The following DAB1 variants were observed in gnomAD, a reference collection of about 807,000 sequenced individuals.
The protein encoded by DAB1 is disabled homolog 1.
DAB1 carries 15 observed loss-of-function variants against 64.6 expected under a neutral mutation model. The ratio of observed to expected loss-of-function variants is 0.23; its 90% CI spans 0.16 to 0.36. The LOEUF (loss-of-function observed/expected upper bound fraction) is 0.36. DAB1 is among the 10% of genes least tolerant of loss of function. DAB1 has a pLI of 1.00. For synonymous variants in DAB1, 235 were observed against 251.9 expected (o/e 0.93, Z 0.64); for missense variants, 596 against 706.7 (o/e 0.84, Z 1.78).
At chr1:57,995,802 A>G (rs1646415697) in intron 5 of DAB1, among the ~76,000 whole-genome samples, 1 of 151,914 alleles carries the variant, frequency 6.6e-6, no homozygotes, top group Admixed American at 6.6e-5. Flanking sequence ...TTAAATTGCT[A>G]TTGAGAGTCT....
chr1:58,543,608 G>A (rs1010193887), intron 1 of DAB1, among the ~76,000 whole-genome samples: 2 of 151,992 alleles, frequency 1.3e-5, no homozygotes, highest in South Asian at 2.1e-4. Context: ...TGCAAACCCT[G>A]GCAACAGAAT....
intron 6 of DAB1, among the ~76,000 whole-genome samples, chr1:57,815,816 T>C (rs531316315): frequency 8.6e-4 from 131 of 152,308 alleles, no homozygotes; most frequent in Non-Finnish European, 1.5e-3. Context: ...TATGTACATA[T>C]CTCTAATTTT....
At chr1:57,975,879 T>C (rs953960726) in intron 5 of DAB1, among the ~76,000 whole-genome samples, 2 of 152,212 alleles carry the variant, frequency 1.3e-5, no homozygotes, top group Non-Finnish European at 2.9e-5. Flanking sequence ...AAATGTGCTT[T>C]TGACAAACTT....
intron 9 of DAB1, among the ~76,000 whole-genome samples, chr1:57,035,871 G>T (rs1367202282): frequency 9.6e-5 from 12 of 124,820 alleles, no homozygotes; most frequent in Middle Eastern, 6.0e-3. Context: ...TTGAGACAGG[G>T]TCTCACTCTG....
intron 4 of DAB1, among the ~76,000 whole-genome samples, chr1:58,290,853 G>T (rs921539341): frequency 6.6e-6 from 1 of 152,126 alleles, no homozygotes; most frequent in Non-Finnish European, 1.5e-5. Context: ...AGAACCACGT[G>T]CTTGTTTTCA....
At chr1:58,027,916 T>A (rs533467035) in intron 5 of DAB1, among the ~76,000 whole-genome samples, 1 of 152,336 alleles carries the variant, frequency 6.6e-6, no homozygotes, top group East Asian at 1.9e-4. Flanking sequence ...GAATTCCTCC[T>A]AGATATAGCC....
At chr1:57,504,535 A>T (rs1644323010) in intron 7 of DAB1, among the ~76,000 whole-genome samples, 1 of 152,188 alleles carries the variant, frequency 6.6e-6, no homozygotes, top group Non-Finnish European at 1.5e-5. Context: ...GTCCATACTG[A>T]TATACAAAAA....
intron 9 of DAB1, among the ~76,000 whole-genome samples, chr1:57,030,656 AC>A (rs1376402835): frequency 6.6e-6 from 1 of 152,198 alleles, no homozygotes; most frequent in Non-Finnish European, 1.5e-5. Flanking sequence ...TCTCTTTCAT[AC>A]AGTAACAGCC....
Position 57,127,558 on chromosome 1 carries a change from G to A in DAB1, c.306+8985C>T, listed in dbSNP as rs186029559. 1.9e-3 allele frequency among the ~76,000 whole-genome samples: 282 copies of A among 152,160 alleles called. 1 individual carries two copies. Among genetic ancestry groups the A allele is most frequent in the Non-Finnish European group, 3.2e-3 (218 of 68,010 alleles). On this transcript the variant is annotated intron_variant, in intron 4 of 14. Coordinates refer to ENST00000371236, the MANE Select transcript of DAB1 (RefSeq NM_001365792.1). The stretch of plus-strand genomic sequence containing the variant: ...CTTTTTTGTCTCTCCACCTTAGAAT[G>A]TAAACTCCACAAAGTGGGGACCTTC...
At chr1:58,305,709 T>C (rs1662290055) in intron 4 of DAB1, among the ~76,000 whole-genome samples, 1 of 152,178 alleles carries the variant, frequency 6.6e-6, no homozygotes, top group Admixed American at 6.5e-5. Context: ...TTCTATCAAG[T>C]AGGTCAGCCC....
intron 5 of DAB1, among the ~76,000 whole-genome samples, chr1:58,095,252 T>C (rs1650911217): frequency 6.6e-6 from 1 of 152,226 alleles, no homozygotes; most frequent in Non-Finnish European, 1.5e-5. Flanking sequence ...TTAGTCTCTA[T>C]AGTGGAATCG....
At chr1:58,165,067 G>A (rs968808442) in intron 4 of DAB1, among the ~76,000 whole-genome samples, 5 of 152,176 alleles carry the variant, frequency 3.3e-5, no homozygotes, top group Non-Finnish European at 5.9e-5. Context: ...AAATGAGACT[G>A]ATTAACAAAT....
intron 2 of DAB1, among the ~76,000 whole-genome samples, chr1:57,267,652 C>T (rs1670688290): frequency 6.6e-6 from 1 of 152,154 alleles, no homozygotes; most frequent in African/African-American, 2.4e-5. Context: ...TTTTGGGGCA[C>T]CTGTGCTTTT....
At chr1:57,085,884 C>T (rs1446426682) in intron 4 of DAB1, among the ~76,000 whole-genome samples, 1 of 152,084 alleles carries the variant, frequency 6.6e-6, no homozygotes, top group African/African-American at 2.4e-5. Context: ...GCATGGAGGT[C>T]TGAAGTGACT....
chr1:57,621,028 TGAGA>T (rs143893433), intron 7 of DAB1, among the ~76,000 whole-genome samples: 16 of 150,988 alleles, frequency 1.1e-4, no homozygotes, highest in East Asian at 1.9e-4. Context: ...TGTGTGTGTG[TGAGA>T]GAGAGAGAGA....
At chr1:57,179,067 A>T (rs950061529) in intron 2 of DAB1, among the ~76,000 whole-genome samples, 1 of 152,324 alleles carries the variant, frequency 6.6e-6, no homozygotes, top group African/African-American at 2.4e-5. Context: ...GAAATTCAAC[A>T]TGAGAGTCAT....
At chr1:57,633,622 C>T (rs1033011961) in intron 7 of DAB1, among the ~76,000 whole-genome samples, 4 of 152,204 alleles carry the variant, frequency 2.6e-5, no homozygotes, top group Non-Finnish European at 5.9e-5. Context: ...TAATAATCTC[C>T]TTGGCTCAGC....
intron 6 of DAB1, among the ~76,000 whole-genome samples, chr1:57,705,218 G>C (rs970331233): frequency 2.0e-5 from 3 of 151,686 alleles, no homozygotes; most frequent in African/African-American, 7.3e-5. Flanking sequence ...TTCTGGTGAT[G>C]TCTCAGATTA....
chr1:57,510,097 T>C (rs1435911631), intron 7 of DAB1, among the ~76,000 whole-genome samples: 1 of 152,172 alleles, frequency 6.6e-6, no homozygotes, highest in Non-Finnish European at 1.5e-5. Flanking sequence ...TTTGCCTTTG[T>C]AGCTGCCAAA....
Sources: gnomAD v4.1 joint callset for allele counts (sites outside exome capture counted in the v4.1 genomes callset) on GRCh38, gnomAD v4.1.1 for gene constraint, MANE v1.5 for transcripts, NCBI Gene and HGNC (gene_info 2026-07-23, HGNC 2026-07-21) for gene names.